ORC4: variants seen among roughly 807,000 people sequenced by gnomAD.
The protein encoded by ORC4 is origin recognition complex, subunit 4 homolog.
A neutral mutation model predicts 63.9 loss-of-function variants in ORC4; 55 were observed. That is an observed-to-expected ratio of 0.86 (90% CI 0.69 to 1.08). The LOEUF (loss-of-function observed/expected upper bound fraction) is 1.08. Ranked by LOEUF, ORC4 falls within the 50% of genes least tolerant of loss-of-function variation. The pLI, the probability that ORC4 is intolerant of heterozygous loss-of-function variation, is 0.00. For synonymous variants in ORC4, 150 were observed against 168.5 expected, an observed-to-expected ratio of 0.89 and a Z score of 0.85; for missense variants, 511 against 504.4, an observed-to-expected ratio of 1.01 and a Z score of -0.13.
intron 4 of ORC4, among the ~76,000 whole-genome samples, chr2:147,960,846 G>T (rs1689549071): frequency 1.3e-5 from 2 of 152,170 alleles, no homozygotes; most frequent in South Asian, 4.1e-4. Context: ...CTATGATTGA[G>T]CCGCTGGGCG....
At chr2:147,943,383 A>T in intron 10 of ORC4, 53 bp downstream of exon 10, 1 of 1,186,252 alleles carries the variant, frequency 8.4e-7, no homozygotes, top group Non-Finnish European at 1.3e-6. Context: ...AGACCCCGTC[A>T]CTATTAAAAA....
chr2:147,998,874 G>A (rs767040888), intron 1 of ORC4, among the ~76,000 whole-genome samples: 7 of 152,120 alleles, frequency 4.6e-5, no homozygotes, highest in South Asian at 2.1e-4. Context: ...CAACCCCAAA[G>A]CATGTTTAAG....
intron 1 of ORC4, among the ~76,000 whole-genome samples, 188 bp downstream of exon 1, chr2:148,020,445 G>C (rs1403903074): frequency 1.3e-5 from 2 of 152,076 alleles, no homozygotes; most frequent in Non-Finnish European, 2.9e-5. Context: ...GGCGGGAGTG[G>C]CCACAAGACG....
intron 1 of ORC4, among the ~76,000 whole-genome samples, chr2:148,015,762 T>C (rs547736174): frequency 5.9e-5 from 9 of 152,118 alleles, no homozygotes; most frequent in African/African-American, 1.9e-4. Flanking sequence ...CAAAGTTGAG[T>C]GATTTTCTTA....
chr2:147,939,978 A>C (rs145646641), intron 10 of ORC4, among the ~76,000 whole-genome samples: 5 of 152,302 alleles, frequency 3.3e-5, no homozygotes, highest in East Asian at 3.9e-4. Flanking sequence ...GTTTCTTAGT[A>C]GTATGTGCCA....
At chr2:147,988,100 T>C (rs950011263) in intron 1 of ORC4, among the ~76,000 whole-genome samples, 1 of 150,800 alleles carries the variant, frequency 6.6e-6, no homozygotes, top group East Asian at 1.9e-4. Flanking sequence ...CCTATAAATA[T>C]CTATCCAAAA....
intron 4 of ORC4, among the ~76,000 whole-genome samples, chr2:147,963,230 A>G (rs1689704894): frequency 6.6e-6 from 1 of 152,056 alleles, no homozygotes; most frequent in African/African-American, 2.4e-5. Flanking sequence ...GCAGCATTAC[A>G]CCTTAGGCCT....
chr2:148,018,646 C>T (rs1464371714), intron 1 of ORC4, among the ~76,000 whole-genome samples: 2 of 152,114 alleles, frequency 1.3e-5, no homozygotes, highest in African/African-American at 4.8e-5. Flanking sequence ...AGAGTTATAT[C>T]CCAGCTGCAT....
chr2:147,969,042 A>AAC (rs1356034214), intron 4 of ORC4, among the ~76,000 whole-genome samples: 2 of 152,094 alleles, frequency 1.3e-5, no homozygotes, highest in African/African-American at 2.4e-5. Flanking sequence ...AAGAAAGTTA[A>AAC]ACACCATGCG....
In ORC4 at chr2:147,979,647, G is replaced by A. The variant is rs545057025; in HGVS notation, c.-17-3672C>T. 2.0e-5 allele frequency among the ~76,000 whole-genome samples: 3 copies of A among 152,148 alleles called. No individual in the cohort carries two copies. The East Asian group carries it at 5.8e-4, about 29-fold the overall frequency. On this transcript the variant is annotated intron_variant, in intron 1 of 13. Transcript: ENST00000392857. Reference sequence around the variant, plus strand: ...AGACAATCATGAGCTAAAGAACAATGCTGGAGGTATCAGACTACCTGATTT... The same window carrying A: ...AGACAATCATGAGCTAAAGAACAATACTGGAGGTATCAGACTACCTGATTT...
chr2:148,015,237 A>G (rs1693203099), intron 1 of ORC4, among the ~76,000 whole-genome samples: 2 of 151,770 alleles, frequency 1.3e-5, no homozygotes, highest in Non-Finnish European at 1.5e-5. Flanking sequence ...TCAAAGCAGC[A>G]TGAATTATTA....
intron 7 of ORC4, among the ~76,000 whole-genome samples, chr2:147,953,410 C>T (rs1401129968): frequency 4.6e-5 from 7 of 152,072 alleles, no homozygotes; most frequent in Admixed American, 1.3e-4. Context: ...TTTATAATTA[C>T]GTAAATATAA....
In ORC4 at chr2:147,973,541, G is replaced by A; in HGVS notation, c.58-17C>T. On this transcript the variant is annotated splice_polypyrimidine_tract_variant and intron_variant, in intron 2 of 13. Coordinates refer to ENST00000392857, the MANE Select transcript of ORC4 (RefSeq NM_181741.4). The stretch of plus-strand genomic sequence containing the variant: ...TCTTTGTACCTGATGAAAATAAAGT[G>A]AATAAATATAAATAAAAATATTACA... 2 of 1,388,464 alleles carry A rather than the reference G, an allele frequency of 1.4e-6. No individual in the cohort carries two copies. Among genetic ancestry groups the A allele is most frequent in the East Asian group, 2.3e-5 (1 of 43,162 alleles). 86.0% of individuals were successfully genotyped at this position (1,388,464 alleles called of 1,614,324 possible).
At chr2:147,986,940 A>G (rs1032612911) in intron 1 of ORC4, among the ~76,000 whole-genome samples, 3 of 152,182 alleles carry the variant, frequency 2.0e-5, no homozygotes, top group African/African-American at 7.2e-5. Context: ...ATGAAAAAAA[A>G]GTGGCATGAA....
intron 1 of ORC4, among the ~76,000 whole-genome samples, chr2:147,995,317 A>T (rs1473398084): frequency 6.6e-6 from 1 of 152,190 alleles, no homozygotes; most frequent in African/African-American, 2.4e-5. Flanking sequence ...CTGTGTAAAA[A>T]CGCACCACTC....
chr2:147,941,783 T>C (rs1270531006), intron 10 of ORC4, among the ~76,000 whole-genome samples: 1 of 151,764 alleles, frequency 6.6e-6, no homozygotes, highest in Non-Finnish European at 1.5e-5. Flanking sequence ...TATATATATA[T>C]ACATACACAC....
chr2:147,959,305 T>C (rs1041235767), intron 4 of ORC4, among the ~76,000 whole-genome samples: 1 of 152,054 alleles, frequency 6.6e-6, no homozygotes, highest in East Asian at 1.9e-4. Context: ...TTAAATAACA[T>C]TGTATTGCTC....
At chr2:147,993,621 C>T (rs548940350) in intron 1 of ORC4, among the ~76,000 whole-genome samples, 1 of 152,066 alleles carries the variant, frequency 6.6e-6, no homozygotes, top group South Asian at 2.1e-4. Flanking sequence ...GGTAATCTTG[C>T]AAGGATAAAT....
intron 4 of ORC4, among the ~76,000 whole-genome samples, chr2:147,963,044 C>T (rs1179550795): frequency 1.3e-5 from 2 of 152,110 alleles, no homozygotes; most frequent in Admixed American, 6.5e-5. Flanking sequence ...TCAGGCCATT[C>T]TTGAGCCTGC....
Sources: gnomAD v4.1 joint callset for allele counts (sites outside exome capture counted in the v4.1 genomes callset) on GRCh38, gnomAD v4.1.1 for gene constraint, MANE v1.5 for transcripts, NCBI Gene and HGNC (gene_info 2026-07-23, HGNC 2026-07-21) for gene names.